SLCO3A1: variants seen among roughly 807,000 people sequenced by gnomAD.
SLCO3A1 encodes solute carrier organic anion transporter family member 3A1.
Under a neutral mutation model 63.1 loss-of-function variants are expected in SLCO3A1, and 27 were observed. The observed-to-expected ratio is 0.43, with a 90% CI of 0.32 to 0.59. The LOEUF (loss-of-function observed/expected upper bound fraction) is 0.59, where lower values mean the gene tolerates loss of function less well. Among genes scored for constraint, SLCO3A1 ranks in the 20% least tolerant of loss-of-function variants. The pLI, the probability that SLCO3A1 is intolerant of heterozygous loss-of-function variation, is 0.09. For missense variants in SLCO3A1, 773 were observed against 945.8 expected (o/e 0.82, Z 2.40); for synonymous variants, 473 against 409.9 (o/e 1.15, Z -1.86).
intron 2 of SLCO3A1, among the ~76,000 whole-genome samples, chr15:92,018,758 G>C (rs1268240677): frequency 6.6e-6 from 1 of 152,150 alleles, no homozygotes; most frequent in East Asian, 1.9e-4. Context: ...TCACGGGGTG[G>C]GTTGGAGTGC....
chr15:92,130,877 G>T (rs2047985196), intron 7 of SLCO3A1, among the ~76,000 whole-genome samples: 2 of 102,336 alleles, frequency 2.0e-5, no homozygotes, highest in Non-Finnish European at 1.8e-5. Flanking sequence ...TTGTCTCCAA[G>T]TTCGGGGCAA....
chr15:92,005,354 T>G (rs953354858), intron 2 of SLCO3A1, among the ~76,000 whole-genome samples: 3 of 152,214 alleles, frequency 2.0e-5, no homozygotes, highest in Admixed American at 6.5e-5. Context: ...ATGGCCATAG[T>G]GTGCCGAAGG....
intron 2 of SLCO3A1, among the ~76,000 whole-genome samples, chr15:91,987,167 G>A (rs1008873142): frequency 5.3e-5 from 8 of 152,190 alleles, no homozygotes; most frequent in Non-Finnish European, 1.2e-4. Flanking sequence ...AAGAGTGGCA[G>A]CAATAATCAG....
In SLCO3A1 at chr15:91,972,159, AT is replaced by A. The variant is rs1396228035; in HGVS notation, c.646+55703del. Among the ~76,000 whole-genome samples the A allele has an allele frequency of 1.3e-4, 20 of 152,258 alleles. 1 individual carries two copies. The South Asian group carries it at 3.7e-3, about 28-fold the overall frequency. ...TAGAGCTCTATACCTATGATACCAT[AT>A]TGGAAAACGTCTACCATATTTGAAG... On this transcript the variant is annotated intron_variant, in intron 2 of 9. Coordinates refer to ENST00000318445, the MANE Select transcript of SLCO3A1 (RefSeq NM_013272.4).
At chr15:91,977,096 G>A (rs74605587) in intron 2 of SLCO3A1, among the ~76,000 whole-genome samples, 4,818 of 152,230 alleles carry the variant, frequency 0.032, 257 homozygotes, top group African/African-American at 0.11. Flanking sequence ...CACTGTGAAA[G>A]TACCACAGTG....
intron 9 of SLCO3A1, among the ~76,000 whole-genome samples, chr15:92,155,884 A>G (rs1267102879): frequency 6.6e-6 from 1 of 152,176 alleles, no homozygotes; most frequent in East Asian, 1.9e-4. Flanking sequence ...ATTAGGGATG[A>G]GCTTAGCTTC....
chr15:92,060,883 T>G (rs1397117610), intron 2 of SLCO3A1, among the ~76,000 whole-genome samples: 1 of 152,224 alleles, frequency 6.6e-6, no homozygotes, highest in Admixed American at 6.5e-5. Flanking sequence ...ACATTAACCT[T>G]GGCCTACCCA....
chr15:92,110,264 C>T (rs1319018118), intron 4 of SLCO3A1, among the ~76,000 whole-genome samples: 1 of 152,188 alleles, frequency 6.6e-6, no homozygotes, highest in Non-Finnish European at 1.5e-5. Context: ...TGCCCTTGAT[C>T]TCTGTTGATC....
chr15:92,155,144 A>C (rs1047384545), intron 9 of SLCO3A1: 3 of 152,244 alleles, frequency 2.0e-5, no homozygotes, highest in African/African-American at 7.2e-5. Context: ...ATCTACTCAT[A>C]GCAGAATTCC....
intron 4 of SLCO3A1, among the ~76,000 whole-genome samples, chr15:92,119,682 G>A (rs965450009): frequency 1.3e-5 from 2 of 152,204 alleles, no homozygotes; most frequent in African/African-American, 4.8e-5. Context: ...GCTAGGGGGT[G>A]TGATCAGATC....
At chr15:92,144,975 G>A (rs966576935) in intron 7 of SLCO3A1, among the ~76,000 whole-genome samples, 3 of 152,196 alleles carry the variant, frequency 2.0e-5, no homozygotes, top group African/African-American at 7.2e-5. Context: ...TCCAGAGCAG[G>A]TGGGAAAGAG....
intron 2 of SLCO3A1, among the ~76,000 whole-genome samples, chr15:92,032,176 C>G (rs989382900): frequency 6.6e-6 from 1 of 152,170 alleles, no homozygotes; most frequent in East Asian, 1.9e-4. Flanking sequence ...AATGAGTTCT[C>G]TAAGAAAAGG....
intron 4 of SLCO3A1, among the ~76,000 whole-genome samples, chr15:92,107,789 T>C (rs8037729): frequency 0.35 from 53,225 of 152,076 alleles, 9,576 homozygotes; most frequent in African/African-American, 0.43. Context: ...TTCTCCTGCT[T>C]CTAGGAGAGA....
At chr15:92,072,813 G>T (rs771818781) in intron 2 of SLCO3A1, among the ~76,000 whole-genome samples, 10 of 152,100 alleles carry the variant, frequency 6.6e-5, no homozygotes, top group Non-Finnish European at 1.2e-4. Context: ...CACTAAGGTA[G>T]CCCAGGATGA....
rs997610925 is a variant in SLCO3A1, at chr15:91,941,314, C to T, written c.646+24856C>T. The T allele has an allele frequency of 7.3e-6, 2 of 273,844 alleles. No homozygotes were observed. The highest frequency in any genetic ancestry group is 1.5e-5 in the Non-Finnish European group (2 of 136,546). 17.0% of individuals were successfully genotyped at this position (273,844 alleles called of 1,614,324 possible). On this transcript the variant is annotated intron_variant, in intron 2 of 9. Transcript: ENST00000318445. This position sits in a 1 kb window ranked among gnomAD's most constrained non-coding sequence, Gnocchi z 4.4. ...GCTCGGCTGGGGGGTGGGAGAGAGA[C>T]ACTGAATCAGTGCATGAGTGACCAG... is the stretch of plus-strand genomic sequence containing the variant.
intron 2 of SLCO3A1, among the ~76,000 whole-genome samples, chr15:92,028,994 C>T (rs577259374): frequency 2.1e-4 from 30 of 142,694 alleles, no homozygotes; most frequent in African/African-American, 7.5e-4. Context: ...CCCAAAACTG[C>T]CAGTTGATTA....
intron 2 of SLCO3A1, among the ~76,000 whole-genome samples, chr15:92,062,030 T>G (rs1273695836): frequency 2.6e-5 from 4 of 152,184 alleles, no homozygotes; most frequent in African/African-American, 9.6e-5. Context: ...CCCACTGCCT[T>G]ACGTCACTAC....
chr15:92,012,095 G>A (rs1171594156), intron 2 of SLCO3A1, among the ~76,000 whole-genome samples: 1 of 152,232 alleles, frequency 6.6e-6, no homozygotes, highest in Non-Finnish European at 1.5e-5. Flanking sequence ...GCCCTGCAGA[G>A]CCTCGGGCAG....
chr15:92,037,418 C>T (rs1597246380), intron 2 of SLCO3A1, among the ~76,000 whole-genome samples: 1 of 152,144 alleles, frequency 6.6e-6, no homozygotes, highest in East Asian at 1.9e-4. Context: ...AACCCAGATC[C>T]CCGACTCTAA....
Sources: allele counts gnomAD v4.1 joint callset (sites outside exome capture counted in the v4.1 genomes callset), GRCh38; gene constraint gnomAD v4.1.1; non-coding constraint Gnocchi (gnomAD v3.1); transcripts MANE v1.5; gene names NCBI Gene and HGNC (gene_info 2026-07-23, HGNC 2026-07-21).